Variants in SELENOF observed in about 807,000 individuals in gnomAD.
SELENOF encodes selenoprotein F, also known as 15 kDa selenoprotein.
SELENOF carries 16 observed loss-of-function variants against 20.5 expected under a neutral mutation model. The ratio of observed to expected loss-of-function variants is 0.78; its 90% CI spans 0.53 to 1.19. SELENOF has a LOEUF of 1.19. Ranked by LOEUF, SELENOF falls within the 50% of genes most tolerant of loss-of-function variation. SELENOF has a pLI of 0.00. For missense variants in SELENOF, 215 were observed against 194.2 expected, an observed-to-expected ratio of 1.11 and a Z score of -0.64; for synonymous variants, 78 against 74.5, an observed-to-expected ratio of 1.05 and a Z score of -0.24.
intron 2 of SELENOF, among the ~76,000 whole-genome samples, chr1:86,891,115 T>A (rs1439867034): frequency 6.6e-6 from 1 of 151,592 alleles, no homozygotes; most frequent in Non-Finnish European, 1.5e-5. Context: ...AATGGCAAGA[T>A]CTCAGCTCAC....
chr1:86,880,840 G>T, intron 2 of SELENOF, 115 bp from the exon 3 acceptor site: 1 of 622,160 alleles, frequency 1.6e-6, no homozygotes, highest in Non-Finnish European at 2.6e-6. Flanking sequence ...ATAGATCAAA[G>T]AAATGTCAAA....
At chr1:86,880,261 G>A (rs887355455) in intron 3 of SELENOF, among the ~76,000 whole-genome samples, 12 of 151,576 alleles carry the variant, frequency 7.9e-5, no homozygotes, top group Admixed American at 5.3e-4. Context: ...TCCGCCTCCC[G>A]AGTAGCTGGG....
chr1:86,873,699 A>T (rs1658846796), intron 3 of SELENOF, among the ~76,000 whole-genome samples: 1 of 151,522 alleles, frequency 6.6e-6, no homozygotes, highest in South Asian at 2.1e-4. Flanking sequence ...AAAAATACAA[A>T]AAATTAGCTG....
rs536344312 is a variant in SELENOF at position 86,903,829 on chromosome 1, C to G, written c.85-381G>C. On this transcript the variant is annotated intron_variant, in intron 1 of 4. Coordinates refer to ENST00000331835, the MANE Select transcript of SELENOF (RefSeq NM_004261.5). The stretch of plus-strand genomic sequence containing the variant: ...TCTCCTGACCTCGTGATCCGCCCAC[C>G]TTGGCTTCCCAAAGTGTTGGGATTA... Among the ~76,000 whole-genome samples, 8 of 152,290 alleles carry G rather than the reference C, an allele frequency of 5.3e-5. No individual in the cohort carries two copies. The South Asian group carries it at 8.3e-4, about 16-fold the overall frequency.
At position 86,897,284 on chromosome 1, in the gene SELENOF, T is replaced by A. The variant is rs538621781; in HGVS notation, c.252+5997A>T. 2.0e-5 allele frequency among the ~76,000 whole-genome samples: 3 copies of A among 152,278 alleles called. No homozygotes were observed. In the South Asian group the frequency reaches 6.2e-4, roughly 32 times the overall value. ...CCTGGGCAACAAGAGTGAAACTCCG[T>A]CTTGGTGCAGGGAGGGGTGGAAAAA... On this transcript the variant is annotated intron_variant, in intron 2 of 4. Transcript: ENST00000331835.
In SELENOF at chr1:86,900,866, G is replaced by T. The variant is rs546198991; in HGVS notation, c.252+2415C>A. On this transcript the variant is annotated intron_variant, in intron 2 of 4. Coordinates refer to ENST00000331835, the MANE Select transcript of SELENOF (RefSeq NM_004261.5). ...CTTTTAAAGAATTTATGCTCACGAT[G>T]ATTCCACACACACAGAGCTATGTTT... Among the ~76,000 whole-genome samples the T allele has an allele frequency of 3.9e-5, 6 of 152,192 alleles. No homozygotes were observed. The South Asian group carries it at 1.2e-3, about 32-fold the overall frequency.
chr1:86,900,785 G>A (rs577601332), intron 2 of SELENOF, among the ~76,000 whole-genome samples: 54 of 152,174 alleles, frequency 3.5e-4, no homozygotes, highest in Non-Finnish European at 6.0e-4. Flanking sequence ...TGATCTGCCC[G>A]CCTCGGCCTC....
Position 86,868,048 on chromosome 1 carries a change from CT to C in SELENOF, c.366+4del. On this transcript the variant is annotated splice_donor_region_variant and intron_variant, in intron 4 of 4. Coordinates refer to ENST00000331835, the MANE Select transcript of SELENOF (RefSeq NM_004261.5). Reference sequence around the variant, plus strand: ...AAAAAGAGATCTCCACTACAATCACCTTACCTTGATTTGCAGTCCTCTGAAC... The same window carrying C: ...AAAAAGAGATCTCCACTACAATCACCTACCTTGATTTGCAGTCCTCTGAAC... 7.0e-7 allele frequency: 1 copy of C among 1,433,760 alleles called. No homozygotes were observed. Among genetic ancestry groups the C allele is most frequent in the Non-Finnish European group, 9.5e-7 (1 of 1,057,424 alleles). The allele number at this position is 1,433,760 out of a possible 1,614,324, so 88.8% of individuals were successfully genotyped here. A position where few individuals can be genotyped will look rare whatever the true frequency, so the allele number is the denominator to read the frequency against.
chr1:86,896,286 G>GA (rs896651280), intron 2 of SELENOF, among the ~76,000 whole-genome samples: 14 of 151,068 alleles, frequency 9.3e-5, no homozygotes, highest in African/African-American at 3.4e-4. Flanking sequence ...TATAGTTAGG[G>GA]AAAAAAAAGT....
chr1:86,913,933 C>A, intron 1 of SELENOF, 95 bp downstream of exon 1: 2 of 1,196,824 alleles, frequency 1.7e-6, no homozygotes, highest in Non-Finnish European at 2.5e-6. Flanking sequence ...CGCAGTCCTC[C>A]CCACCCTTTT....
rs183900249 is a variant in SELENOF, at chr1:86,870,821, G to A, written c.317-2719C>T. On this transcript the variant is annotated intron_variant, in intron 3 of 4. Coordinates refer to ENST00000331835, the MANE Select transcript of SELENOF (RefSeq NM_004261.5). ...TTTTTAGTAGAGACGGGGTTTCACC[G>A]CGTTAGCCAGGATGGTCTCAATCTC... Among the ~76,000 whole-genome samples the A allele has an allele frequency of 1.9e-3, 295 of 151,996 alleles. 1 individual carries two copies. The highest frequency in any genetic ancestry group is 6.6e-3 in the African/African-American group (274 of 41,472).
chr1:86,898,128 T>C (rs1659573842), intron 2 of SELENOF, among the ~76,000 whole-genome samples: 1 of 152,234 alleles, frequency 6.6e-6, no homozygotes, highest in Admixed American at 6.5e-5. Context: ...TAGTTATGAT[T>C]TTTACAATAA....
intron 3 of SELENOF, among the ~76,000 whole-genome samples, chr1:86,874,688 A>T (rs1658879051): frequency 6.6e-6 from 1 of 152,224 alleles, no homozygotes; most frequent in African/African-American, 2.4e-5. Flanking sequence ...CTGAGGTTAA[A>T]GAAAAATGTT....
At chr1:86,910,944 T>TGA (rs1659964529) in intron 1 of SELENOF, among the ~76,000 whole-genome samples, 1 of 152,218 alleles carries the variant, frequency 6.6e-6, no homozygotes, top group African/African-American at 2.4e-5. Context: ...TTCCAGGTTT[T>TGA]CAGACCTTTG....
chr1:86,866,898 A>C (rs966594947), intron 4 of SELENOF, among the ~76,000 whole-genome samples: 2 of 152,248 alleles, frequency 1.3e-5, no homozygotes, highest in African/African-American at 4.8e-5. Context: ...ACAGTTTTGC[A>C]GTTTCTTACA....
intron 3 of SELENOF, among the ~76,000 whole-genome samples, chr1:86,880,285 G>A (rs1393964398): frequency 2.0e-5 from 3 of 151,860 alleles, no homozygotes; most frequent in African/African-American, 4.8e-5. Context: ...ATAGGCACCC[G>A]CCACCGCGCC....
At chr1:86,892,985 C>T (rs1423036118) in intron 2 of SELENOF, among the ~76,000 whole-genome samples, 1 of 152,042 alleles carries the variant, frequency 6.6e-6, no homozygotes, top group African/African-American at 2.4e-5. Context: ...TTAACATTTT[C>T]AAAATAAAAG....
intron 2 of SELENOF, among the ~76,000 whole-genome samples, chr1:86,891,682 A>T (rs891173665): frequency 1.3e-5 from 2 of 152,210 alleles, no homozygotes; most frequent in Admixed American, 6.5e-5. Flanking sequence ...CAATTAAATA[A>T]CTTCATAAAA....
At chr1:86,864,212 G>C (rs909687737) in intron 4 of SELENOF, among the ~76,000 whole-genome samples, 1 of 152,170 alleles carries the variant, frequency 6.6e-6, no homozygotes, top group Non-Finnish European at 1.5e-5. Flanking sequence ...ATTTTTCTTG[G>C]CTTAACAAAT....
Sources: gnomAD v4.1 joint callset for allele counts (sites outside exome capture counted in the v4.1 genomes callset) on GRCh38, gnomAD v4.1.1 for gene constraint, MANE v1.5 for transcripts, NCBI Gene and HGNC (gene_info 2026-07-23, HGNC 2026-07-21) for gene names.